The following ELF2 variants were observed in gnomAD, a reference collection of about 807,000 sequenced individuals.
ELF2 encodes ETS-related transcription factor Elf-2.
Under a neutral mutation model 54.8 loss-of-function variants are expected in ELF2, and 11 were observed. The ratio of observed to expected loss-of-function variants is 0.20; its 90% CI spans 0.13 to 0.33. ELF2 has a LOEUF of 0.33. Ranked by LOEUF, ELF2 falls within the 10% of genes least tolerant of loss-of-function variation. The pLI is 1.00. For missense variants in ELF2, 513 were observed against 703.0 expected (o/e 0.73, Z 3.06); for synonymous variants, 203 against 245.1 (o/e 0.83, Z 1.61).
chr4:139,173,683 G>A lies in ELF2; in HGVS notation c.-252+3284C>T, dbSNP rs548203304. 3.1e-4 allele frequency among the ~76,000 whole-genome samples: 47 copies of A among 150,288 alleles called. 1 individual carries two copies. The highest frequency in any genetic ancestry group is 6.9e-3 in the Middle Eastern group (2 of 290). ...TGAGGCAAGAGAATCGCTTGAACCCGAGAGGCGGAGGTTGCAATGAGCTGA... is the reference window on the plus strand; with the variant it reads ...TGAGGCAAGAGAATCGCTTGAACCCAAGAGGCGGAGGTTGCAATGAGCTGA... On this transcript the variant is annotated intron_variant, in intron 1 of 9. Coordinates refer to ENST00000686138, the MANE Select transcript of ELF2 (RefSeq NM_001331036.3).
chr4:139,171,259 T>C (rs1432573126), intron 1 of ELF2, among the ~76,000 whole-genome samples: 1 of 152,040 alleles, frequency 6.6e-6, no homozygotes, highest in African/African-American at 2.4e-5. Flanking sequence ...CCGGGCATGG[T>C]GGTATGCACC....
At chr4:139,079,563 C>T (rs1304149338) in intron 4 of ELF2, among the ~76,000 whole-genome samples, 1 of 152,180 alleles carries the variant, frequency 6.6e-6, no homozygotes, top group Non-Finnish European at 1.5e-5. Flanking sequence ...AATTCTATCC[C>T]CATGCTTATA....
At chr4:139,114,562 CACACACACACACACACACA>C (rs1735361799) in intron 4 of ELF2, among the ~76,000 whole-genome samples, 1 of 10,144 alleles carries the variant, frequency 9.9e-5, no homozygotes, top group Admixed American at 9.9e-4. Flanking sequence ...ACTTCAGTCT[CACACACACACACACACACA>C]CACACACACA....
intron 4 of ELF2, among the ~76,000 whole-genome samples, chr4:139,082,402 C>T (rs1051546116): frequency 5.3e-5 from 8 of 152,308 alleles, no homozygotes; most frequent in African/African-American, 1.7e-4. Flanking sequence ...TCTTACTAAA[C>T]TTAAGTTCTT....
intron 4 of ELF2, among the ~76,000 whole-genome samples, chr4:139,078,335 C>T (rs1337662813): frequency 6.6e-6 from 1 of 152,056 alleles, no homozygotes; most frequent in African/African-American, 2.4e-5. Flanking sequence ...CTATAAGCAA[C>T]ACTATAAACT....
At chr4:139,134,665 G>T (rs1229805922) in intron 3 of ELF2, among the ~76,000 whole-genome samples, 1 of 145,364 alleles carries the variant, frequency 6.9e-6, no homozygotes, top group Non-Finnish European at 1.5e-5. Context: ...GTTTTGCCAT[G>T]GTGCCCAGGC....
intron 4 of ELF2, among the ~76,000 whole-genome samples, chr4:139,074,895 T>C (rs1430047978): frequency 1.3e-5 from 2 of 152,196 alleles, no homozygotes; most frequent in East Asian, 3.8e-4. Context: ...TTTTGGTATC[T>C]GCCAGGTGGA....
chr4:139,066,292 T>C (rs1427467762), intron 7 of ELF2: 2 of 151,960 alleles, frequency 1.3e-5, no homozygotes, highest in Non-Finnish European at 2.9e-5. Flanking sequence ...AATGATACTT[T>C]ATCTGTCAGA....
At chr4:139,100,644 C>A (rs940287294) in intron 4 of ELF2, 2 of 152,156 alleles carry the variant, frequency 1.3e-5, no homozygotes, top group Admixed American at 6.5e-5. Flanking sequence ...GGCATCATAA[C>A]AAGACCATAA....
At chr4:139,116,545 G>A (rs1735740010) in intron 4 of ELF2, 1 of 391,586 alleles carries the variant, frequency 2.6e-6, no homozygotes, top group African/African-American at 2.2e-5. Flanking sequence ...CCTTAAGGAG[G>A]AATCATTGTC....
At chr4:139,164,113 A>G (rs1328172665) in intron 1 of ELF2, among the ~76,000 whole-genome samples, 8 of 148,566 alleles carry the variant, frequency 5.4e-5, no homozygotes, top group African/African-American at 1.7e-4. Context: ...AGAAAGAGGG[A>G]GGAAGGGAGA....
intron 4 of ELF2, among the ~76,000 whole-genome samples, chr4:139,075,618 G>A (rs568536357): frequency 3.3e-5 from 5 of 152,102 alleles, no homozygotes; most frequent in Admixed American, 6.6e-5. Context: ...TAGTAGAGAC[G>A]GGGTTTCACC....
chr4:139,120,296 T>C (rs537166966), intron 4 of ELF2, among the ~76,000 whole-genome samples: 2 of 152,354 alleles, frequency 1.3e-5, no homozygotes, highest in Admixed American at 1.3e-4. Context: ...ATATGGTTTA[T>C]ACAAGCCCTT....
chr4:139,118,675 A>G (rs2148824253), intron 4 of ELF2, among the ~76,000 whole-genome samples: 2 of 152,192 alleles, frequency 1.3e-5, no homozygotes, highest in South Asian at 4.1e-4. Flanking sequence ...CTGAAGGTAT[A>G]AAGCATTTGT....
At chr4:139,108,571 G>A (rs1560819715) in intron 4 of ELF2, among the ~76,000 whole-genome samples, 2 of 151,174 alleles carry the variant, frequency 1.3e-5, no homozygotes, top group Admixed American at 6.6e-5. Flanking sequence ...TTGAAGAGGT[G>A]GACTAGATTA....
chr4:139,105,840 TATA>T (rs753840783), intron 4 of ELF2, among the ~76,000 whole-genome samples: 2 of 152,094 alleles, frequency 1.3e-5, no homozygotes, highest in Non-Finnish European at 2.9e-5. Context: ...AGCAGTGAGG[TATA>T]ATGACACCAC....
chr4:139,084,406 C>A (rs998918800), intron 4 of ELF2: 2 of 1,400,642 alleles, frequency 1.4e-6, no homozygotes, highest in African/African-American at 2.9e-5. Context: ...AACCCCACCA[C>A]CTAACGGCAG....
chr4:139,093,005 G>A (rs1313762233), intron 4 of ELF2, among the ~76,000 whole-genome samples: 2 of 144,060 alleles, frequency 1.4e-5, no homozygotes, highest in Non-Finnish European at 1.5e-5. Flanking sequence ...TCGCTCTGTC[G>A]CCCAGGTTGG....
At chr4:139,084,725 A>G (rs763784794) in intron 4 of ELF2, among the ~76,000 whole-genome samples, 1 of 152,188 alleles carries the variant, frequency 6.6e-6, no homozygotes, top group Non-Finnish European at 1.5e-5. Context: ...AAGCAATCTA[A>G]TACCTAGTCC....
Sources: allele counts gnomAD v4.1 joint callset (sites outside exome capture counted in the v4.1 genomes callset), GRCh38; gene constraint gnomAD v4.1.1; transcripts MANE v1.5; gene names NCBI Gene and HGNC (gene_info 2026-07-23, HGNC 2026-07-21).